Variants in IMMP1L observed in about 807,000 individuals in gnomAD.
IMMP1L encodes the protein inner mitochondrial membrane peptidase subunit 1, also known as mitochondrial inner membrane protease subunit 1.
A neutral mutation model predicts 21.8 loss-of-function variants in IMMP1L; 24 were observed. That is an observed-to-expected ratio of 1.10 (90% confidence interval 0.80 to 1.55). The LOEUF is 1.55. Among genes scored for constraint, IMMP1L ranks in the 40% most tolerant of loss-of-function variants. IMMP1L has a pLI of 0.00. For missense variants in IMMP1L, 195 were observed against 200.7 expected (o/e 0.97, Z 0.17); for synonymous variants, 46 against 62.8 (o/e 0.73, Z 1.26).
chr11:31,439,783 G>C (rs1052676816), intron 4 of IMMP1L, among the ~76,000 whole-genome samples: 2 of 151,998 alleles, frequency 1.3e-5, no homozygotes, highest in African/African-American at 4.8e-5. Flanking sequence ...TTATTCTAAG[G>C]GCTATTTTAG....
chr11:31,468,916 A>G (rs1382916969), intron 1 of IMMP1L, among the ~76,000 whole-genome samples: 3 of 152,108 alleles, frequency 2.0e-5, no homozygotes, highest in African/African-American at 7.2e-5. Context: ...ACCACTGTAC[A>G]TTTTTACTAG....
chr11:31,465,201 G>A (rs1217492711), intron 1 of IMMP1L, among the ~76,000 whole-genome samples: 2 of 151,640 alleles, frequency 1.3e-5, no homozygotes, highest in African/African-American at 4.8e-5. Context: ...ACCTAAAATG[G>A]CTATAAAACA....
chr11:31,488,892 T>C (rs1041067204), intron 1 of IMMP1L, among the ~76,000 whole-genome samples: 11 of 151,618 alleles, frequency 7.3e-5, no homozygotes, highest in African/African-American at 2.4e-4. Flanking sequence ...TTTTTATATA[T>C]ATTTATTTAT....
At chr11:31,505,329 A>C (rs1226819733) in intron 1 of IMMP1L, among the ~76,000 whole-genome samples, 1 of 152,214 alleles carries the variant, frequency 6.6e-6, no homozygotes, top group Non-Finnish European at 1.5e-5. Flanking sequence ...TAAGATAGGC[A>C]CCTTGGAGAA....
chr11:31,475,289 T>C (rs1441903852), intron 1 of IMMP1L, among the ~76,000 whole-genome samples: 1 of 152,232 alleles, frequency 6.6e-6, no homozygotes, highest in Non-Finnish European at 1.5e-5. Flanking sequence ...AACATCCACA[T>C]TCATTCACCA....
chr11:31,469,763 A>C (rs1210944141), intron 1 of IMMP1L: 1 of 152,220 alleles, frequency 6.6e-6, no homozygotes, highest in Admixed American at 6.5e-5. Flanking sequence ...CACACAAAAC[A>C]CACAGCTACA....
At chr11:31,492,195 A>G (rs901776777) in intron 1 of IMMP1L, among the ~76,000 whole-genome samples, 3 of 152,194 alleles carry the variant, frequency 2.0e-5, no homozygotes, top group Non-Finnish European at 4.4e-5. Flanking sequence ...GTACCCACCT[A>G]TATCAACTAT....
intron 1 of IMMP1L, among the ~76,000 whole-genome samples, chr11:31,483,207 A>C (rs1029031599): frequency 6.6e-6 from 1 of 151,898 alleles, no homozygotes; most frequent in African/African-American, 2.4e-5. Context: ...AGTGCTGACA[A>C]TGTTCTTTTA....
chr11:31,494,557 C>G (rs1331391897), intron 1 of IMMP1L, among the ~76,000 whole-genome samples: 1 of 152,202 alleles, frequency 6.6e-6, no homozygotes, highest in Non-Finnish European at 1.5e-5. Context: ...CTCCTTGTTA[C>G]TCATGCAAAT....
chr11:31,445,015 A>G (rs749066068), intron 4 of IMMP1L, among the ~76,000 whole-genome samples: 9 of 152,124 alleles, frequency 5.9e-5, no homozygotes, highest in Non-Finnish European at 4.4e-5. Flanking sequence ...TGTAAATACA[A>G]TGTTACCTGC....
chr11:31,476,456 A>G (rs914888796), intron 1 of IMMP1L, among the ~76,000 whole-genome samples: 26 of 152,180 alleles, frequency 1.7e-4, no homozygotes, highest in Admixed American at 1.3e-3. Flanking sequence ...AAGATACTAC[A>G]CATAAACAGA....
intron 1 of IMMP1L, among the ~76,000 whole-genome samples, chr11:31,507,006 GCGCTGGCTCACA>G (rs1179233671): frequency 6.6e-6 from 1 of 151,442 alleles, no homozygotes; most frequent in African/African-American, 2.4e-5. Flanking sequence ...TTTGGCTGAC[GCGCTGGCTCACA>G]CCTGTAATTC....
chr11:31,484,773 C>T (rs924984781), intron 1 of IMMP1L, among the ~76,000 whole-genome samples: 2 of 151,798 alleles, frequency 1.3e-5, no homozygotes, highest in African/African-American at 4.8e-5. Context: ...TTCCTCTCTC[C>T]GGGCCTCTAA....
chr11:31,485,056 A>C (rs1955027215), intron 1 of IMMP1L, among the ~76,000 whole-genome samples: 1 of 151,870 alleles, frequency 6.6e-6, no homozygotes, highest in Admixed American at 6.6e-5. Flanking sequence ...TTTTTTAAAA[A>C]ATTCACATTC....
chr11:31,489,325 T>A (rs903050348), intron 1 of IMMP1L, among the ~76,000 whole-genome samples: 1 of 152,242 alleles, frequency 6.6e-6, no homozygotes, highest in Non-Finnish European at 1.5e-5. Context: ...CTTTTAAATA[T>A]GCATAATTGC....
intron 1 of IMMP1L, among the ~76,000 whole-genome samples, chr11:31,478,845 A>T (rs1954802930): frequency 1.3e-5 from 2 of 152,098 alleles, no homozygotes; most frequent in African/African-American, 4.8e-5. Context: ...TATTTGAATC[A>T]AGTCAAATAA....
At chr11:31,499,712 C>T (rs1355826655) in intron 1 of IMMP1L, among the ~76,000 whole-genome samples, 1 of 152,100 alleles carries the variant, frequency 6.6e-6, no homozygotes, top group African/African-American at 2.4e-5. Flanking sequence ...GTTATTAAAA[C>T]ACAGCCATAC....
intron 1 of IMMP1L, among the ~76,000 whole-genome samples, chr11:31,465,126 A>G (rs1168470847): frequency 6.6e-6 from 1 of 152,126 alleles, no homozygotes; most frequent in Non-Finnish European, 1.5e-5. Context: ...AAAAATTAGT[A>G]GCATTTTATT....
intron 4 of IMMP1L, among the ~76,000 whole-genome samples, chr11:31,439,517 T>C (rs761928285): frequency 1.3e-5 from 2 of 152,188 alleles, no homozygotes; most frequent in Non-Finnish European, 2.9e-5. Flanking sequence ...GCTAATTCCA[T>C]AATTTCTGTC....
Sources: allele counts gnomAD v4.1 joint callset (sites outside exome capture counted in the v4.1 genomes callset), GRCh38; gene constraint gnomAD v4.1.1; transcripts MANE v1.5; gene names NCBI Gene and HGNC (gene_info 2026-07-23, HGNC 2026-07-21).